The following UBR3 variants were observed in gnomAD, a reference collection of about 807,000 sequenced individuals.
The protein encoded by UBR3 is ubiquitin protein ligase E3 component n-recognin 3.
In UBR3, 85 loss-of-function variants were observed where a neutral mutation model predicts 243.2. The ratio of observed to expected loss-of-function variants is 0.35; its 90% CI spans 0.29 to 0.42. The LOEUF (loss-of-function observed/expected upper bound fraction) is 0.42, where lower values mean the gene tolerates loss of function less well. Ranked by LOEUF, UBR3 falls within the 10% of genes least tolerant of loss-of-function variation. The pLI is 1.00. For synonymous variants in UBR3, 748 were observed against 799.8 expected, an observed-to-expected ratio of 0.94 and a Z score of 1.09; for missense variants, 1,686 against 2,300.8, an observed-to-expected ratio of 0.73 and a Z score of 5.47.
chr2:169,946,530 AG>A (rs2086797219), intron 21 of UBR3, 138 bp downstream of exon 21: 2 of 405,500 alleles, frequency 4.9e-6, no homozygotes, highest in Admixed American at 8.9e-5. Flanking sequence ...ATTCATCTTG[AG>A]GTGTATTTAT....
intron 5 of UBR3, among the ~76,000 whole-genome samples, chr2:169,887,865 C>G (rs1044608663): frequency 5.3e-5 from 8 of 151,734 alleles, no homozygotes; most frequent in African/African-American, 1.7e-4. Flanking sequence ...CAACCTCCCC[C>G]TCCCGGGTTC....
At chr2:169,850,025 T>G (rs201805545) in intron 1 of UBR3, among the ~76,000 whole-genome samples, 2 of 152,094 alleles carry the variant, frequency 1.3e-5, no homozygotes, top group East Asian at 3.9e-4. Context: ...AGTTTTGTAG[T>G]GGGCACACTT....
chr2:169,877,868 G>T (rs1048269753), intron 4 of UBR3, among the ~76,000 whole-genome samples: 5 of 152,090 alleles, frequency 3.3e-5, no homozygotes, highest in Non-Finnish European at 5.9e-5. Flanking sequence ...TAAGGTTCTG[G>T]TTCTAACTCA....
intron 24 of UBR3, among the ~76,000 whole-genome samples, chr2:169,985,231 T>C (rs2088946851): frequency 6.7e-6 from 1 of 150,216 alleles, no homozygotes; most frequent in Non-Finnish European, 1.5e-5. Context: ...TTTCTTTTTT[T>C]TTTTTTTTTT....
chr2:169,868,429 C>T (rs896305545), intron 1 of UBR3, among the ~76,000 whole-genome samples: 1 of 152,160 alleles, frequency 6.6e-6, no homozygotes, highest in Non-Finnish European at 1.5e-5. Context: ...CTGCAGTCTC[C>T]ACCTCCCGGG....
At chr2:169,922,895 G>A (rs541913505) in intron 11 of UBR3, among the ~76,000 whole-genome samples, 2 of 152,000 alleles carry the variant, frequency 1.3e-5, no homozygotes, top group African/African-American at 4.8e-5. Flanking sequence ...TTATTTCAGG[G>A]ATGGTGACAT....
At chr2:170,072,044 C>G (rs56093975) in intron 35 of UBR3, among the ~76,000 whole-genome samples, 7,722 of 152,052 alleles carry the variant, frequency 0.051, 378 homozygotes, top group African/African-American at 0.13. Flanking sequence ...GCTAGAAATA[C>G]CATTTGACCC....
At chr2:169,878,050 T>G (rs1043601190) in intron 4 of UBR3, among the ~76,000 whole-genome samples, 1 of 152,126 alleles carries the variant, frequency 6.6e-6, no homozygotes, top group Non-Finnish European at 1.5e-5. Context: ...ACCTATTAGG[T>G]CCAAACTTAT....
At chr2:169,993,064 G>A (rs2089340590) in intron 25 of UBR3, among the ~76,000 whole-genome samples, 1 of 152,090 alleles carries the variant, frequency 6.6e-6, no homozygotes, top group Admixed American at 6.6e-5. Context: ...CCCAGCCCAA[G>A]GATATTCTTT....
Position 169,954,223 on chromosome 2 carries a change from GTCTTC to G in UBR3, c.3545+4165_3545+4169del, listed in dbSNP as rs1553518746. 1.1e-3 allele frequency among the ~76,000 whole-genome samples: 137 copies of G among 124,650 alleles called. No homozygotes were observed. The East Asian group carries it at 0.016, about 14-fold the overall frequency. The allele number at this position is 124,650 out of a possible 152,430, so 81.8% of individuals were successfully genotyped here. On this transcript the variant is annotated intron_variant, in intron 23 of 38. Transcript: ENST00000272793. ...GTCTTGTCTTGTCTTGTCTTGTCTT[GTCTTC>G]TCTTCTTAATTCATTTCTTTTCTTT...
At chr2:169,968,332 A>G (rs545645404) in intron 24 of UBR3, among the ~76,000 whole-genome samples, 7 of 152,108 alleles carry the variant, frequency 4.6e-5, no homozygotes, top group African/African-American at 1.2e-4. Flanking sequence ...GCATTAACCA[A>G]CCTCTCTTCA....
At chr2:169,996,542 A>G (rs2089483548) in intron 26 of UBR3, among the ~76,000 whole-genome samples, 1 of 152,160 alleles carries the variant, frequency 6.6e-6, no homozygotes, top group Admixed American at 6.5e-5. Context: ...GTTAGGTAAT[A>G]AGGGTCATGC....
intron 10 of UBR3, among the ~76,000 whole-genome samples, chr2:169,907,494 C>T (rs2085063502): frequency 6.6e-6 from 1 of 152,128 alleles, no homozygotes; most frequent in African/African-American, 2.4e-5. Flanking sequence ...AAATATTCCT[C>T]TCCTGCTTTT....
intron 29 of UBR3, 140 bp from the exon 30 acceptor site, chr2:170,015,141 T>C: frequency 1.7e-6 from 1 of 590,530 alleles, no homozygotes. Context: ...ATATGATTAT[T>C]ACTGATACAA....
At chr2:169,970,260 T>C (rs2088056433) in intron 24 of UBR3, among the ~76,000 whole-genome samples, 1 of 142,562 alleles carries the variant, frequency 7.0e-6, no homozygotes, top group Non-Finnish European at 1.5e-5. Context: ...TTTTTGTAGC[T>C]GTTGTGAGTT....
chr2:169,873,114 T>C (rs1305089231), intron 2 of UBR3, among the ~76,000 whole-genome samples: 3 of 152,274 alleles, frequency 2.0e-5, no homozygotes, highest in African/African-American at 7.2e-5. Context: ...CTATAAGAGA[T>C]TACATTTTGC....
chr2:169,945,376 A>C (rs1053780727), intron 20 of UBR3, among the ~76,000 whole-genome samples: 6 of 152,218 alleles, frequency 3.9e-5, no homozygotes, highest in African/African-American at 1.4e-4. Flanking sequence ...TCAGAAAAAC[A>C]TGAGAGAGTC....
At chr2:170,008,554 G>T (rs1390307375) in intron 28 of UBR3, among the ~76,000 whole-genome samples, 1 of 152,078 alleles carries the variant, frequency 6.6e-6, no homozygotes, top group Non-Finnish European at 1.5e-5. Flanking sequence ...CATAATTTAT[G>T]TGGTTAATTC....
At chr2:169,986,506 T>C (rs1391386475) in intron 24 of UBR3, 139 bp from the exon 25 acceptor site, 1 of 683,350 alleles carries the variant, frequency 1.5e-6, no homozygotes, top group African/African-American at 1.8e-5. Flanking sequence ...AGTAAGGTTA[T>C]TTTTTCCACA....
Sources: gnomAD v4.1 joint callset for allele counts (sites outside exome capture counted in the v4.1 genomes callset) on GRCh38, gnomAD v4.1.1 for gene constraint, MANE v1.5 for transcripts, NCBI Gene and HGNC (gene_info 2026-07-23, HGNC 2026-07-21) for gene names.